MS4A7: variants seen among roughly 807,000 people sequenced by gnomAD.
The protein encoded by MS4A7 is membrane-spanning 4-domains subfamily A member 7.
A neutral mutation model predicts 23.5 loss-of-function variants in MS4A7; 21 were observed. That is an observed-to-expected ratio of 0.89 (90% CI 0.63 to 1.29). MS4A7 has a LOEUF of 1.29. Among genes scored for constraint, MS4A7 ranks in the 50% most tolerant of loss-of-function variants. MS4A7 has a pLI of 0.00. For missense variants in MS4A7, 263 were observed against 274.2 expected (o/e 0.96, Z 0.29); for synonymous variants, 111 against 107.4 (o/e 1.03, Z -0.21).
At chr11:60,389,279 A>C in intron 4 of MS4A7, 111 bp from the exon 5 acceptor site, 2 of 795,402 alleles carry the variant, frequency 2.5e-6, no homozygotes, top group Non-Finnish European at 4.0e-6. Context: ...ACACAAGGAA[A>C]CAGGAAGGAA....
Position 60,393,772 on chromosome 11 carries a change from T to G in MS4A7, c.649-15T>G. 6.3e-7 allele frequency: 1 copy of G among 1,586,090 alleles called. No homozygotes were observed. Among genetic ancestry groups the G allele is most frequent in the South Asian group, 1.1e-5 (1 of 87,522 alleles). ...ATCAAAGTTTAAAAATTCTAACCAATTATGTATTTTCTAGAGTTCATTTTC... is the reference window on the plus strand; with the variant it reads ...ATCAAAGTTTAAAAATTCTAACCAAGTATGTATTTTCTAGAGTTCATTTTC... On this transcript the variant is annotated splice_polypyrimidine_tract_variant and intron_variant, in intron 6 of 6. Coordinates refer to ENST00000300184, the MANE Select transcript of MS4A7 (RefSeq NM_021201.5).
chr11:60,395,004 A>G lies in MS4A7; in HGVS notation c.*1143A>G. On this transcript the variant is annotated 3_prime_UTR_variant, in exon 7 of 7. Transcript: ENST00000300184. ...AAGTTACAGATAATCTCTGACTGGC[A>G]TGTTTTCTGCTTCTAGCTTGGAGCT... is the stretch of plus-strand genomic sequence containing the variant. The G allele has an allele frequency of 1.6e-6, 1 of 630,884 alleles. No individual in the cohort carries two copies. Among genetic ancestry groups the G allele is most frequent in the Non-Finnish European group, 2.9e-6 (1 of 346,188 alleles). The allele number at this position is 630,884 out of a possible 1,614,324, so 39.1% of individuals were successfully genotyped here.
At chr11:60,378,803 G>T (rs1050262502) in intron 1 of MS4A7, 139 bp downstream of exon 1, 1 of 152,166 alleles carries the variant, frequency 6.6e-6, no homozygotes, top group Non-Finnish European at 1.5e-5. Flanking sequence ...CCCCTTTTTG[G>T]GTCTCAGTTT....
In MS4A7 at chr11:60,394,165, G is replaced by A. The variant is rs1186164302; in HGVS notation, c.*304G>A. 1.3e-5 allele frequency: 3 copies of A among 227,866 alleles called. No individual in the cohort carries two copies. The highest frequency in any genetic ancestry group is 2.5e-5 in the Non-Finnish European group (3 of 118,760). The allele number at this position is 227,866 out of a possible 1,614,324, so 14.1% of individuals were successfully genotyped here. ...GGAAAATGTGCACTCATGCTAGTGTGAATTTGGTAAGTTGCGTGACTCTGC... is the reference window on the plus strand; with the variant it reads ...GGAAAATGTGCACTCATGCTAGTGTAAATTTGGTAAGTTGCGTGACTCTGC... On this transcript the variant is annotated 3_prime_UTR_variant, in exon 7 of 7. Transcript: ENST00000300184.
intron 1 of MS4A7, among the ~76,000 whole-genome samples, chr11:60,379,810 C>T (rs1228001474): frequency 1.3e-5 from 2 of 152,212 alleles, no homozygotes; most frequent in East Asian, 3.8e-4. Context: ...GCTAGGATTA[C>T]AGGCATGAGC....
chr11:60,379,538 GT>G (rs968554730), intron 1 of MS4A7, among the ~76,000 whole-genome samples: 5 of 136,220 alleles, frequency 3.7e-5, no homozygotes, highest in African/African-American at 1.2e-4. Flanking sequence ...TTGTTTGTTT[GT>G]TTGTTTGTTT....
intron 6 of MS4A7, among the ~76,000 whole-genome samples, chr11:60,393,033 A>G (rs2085571359): frequency 6.6e-6 from 1 of 152,146 alleles, no homozygotes; most frequent in African/African-American, 2.4e-5. Flanking sequence ...AGGCAGGAGA[A>G]TTGCTTGAAC....
chr11:60,395,827 A>G lies in MS4A7; in HGVS notation c.*1966A>G, dbSNP rs2085611281. On this transcript the variant is annotated 3_prime_UTR_variant, in exon 7 of 7. Coordinates refer to ENST00000300184, the MANE Select transcript of MS4A7 (RefSeq NM_021201.5). The stretch of plus-strand genomic sequence containing the variant: ...ACTACGTGAGGTGATGGATATGTTA[A>G]TTAGCTGGATTGTGGTAATCATTTT... 1 of 152,178 alleles carries G rather than the reference A, an allele frequency of 6.6e-6. No individual in the cohort carries two copies. 9.4% of individuals were successfully genotyped at this position (152,178 alleles called of 1,614,324 possible).
intron 6 of MS4A7, among the ~76,000 whole-genome samples, chr11:60,393,538 A>G (rs1418391897): frequency 1.3e-5 from 2 of 152,314 alleles, no homozygotes; most frequent in East Asian, 3.9e-4. Flanking sequence ...CCTAAAGGCT[A>G]CAACAACAAA....
At chr11:60,378,916 C>G (rs2085399594) in intron 1 of MS4A7, among the ~76,000 whole-genome samples, 1 of 152,206 alleles carries the variant, frequency 6.6e-6, no homozygotes, top group Admixed American at 6.5e-5. Flanking sequence ...GTCACTCAGT[C>G]TTACAGAGTC....
Position 60,389,457 on chromosome 11 carries a change from C to T in MS4A7, c.407C>T (p.Ala136Val). 1.2e-6 allele frequency: 2 copies of T among 1,614,084 alleles called. No individual in the cohort carries two copies. The highest frequency in any genetic ancestry group is 1.3e-5 in the African/African-American group (1 of 75,052). ...GCAGGAGCAGGCCTCTTCCTCCTTGCTGACAGCATGGTAGCCCTGAGGACT... is the reference window on the plus strand; with the variant it reads ...GCAGGAGCAGGCCTCTTCCTCCTTGTTGACAGCATGGTAGCCCTGAGGACT... ...VTAGAGLFLL[A>V]DSMVALRTAS... is the part of the protein sequence containing the mutation. Residue 136 changes from alanine (A) to valine (V), a missense_variant, in exon 5 of 7, where the codon GCT becomes GTT. By Grantham distance (64) the Ala-to-Val change is moderately conservative. Transcript: ENST00000300184.
chr11:60,386,919 A>G (rs2085497242), intron 4 of MS4A7, 146 bp downstream of exon 4: 3 of 677,738 alleles, frequency 4.4e-6, no homozygotes, highest in Non-Finnish European at 7.2e-6. Flanking sequence ...TGGCTGTCCC[A>G]TTGGTAGAAC....
At chr11:60,380,136 A>G (rs2085413814) in intron 1 of MS4A7, among the ~76,000 whole-genome samples, 1 of 152,266 alleles carries the variant, frequency 6.6e-6, no homozygotes, top group Non-Finnish European at 1.5e-5. Flanking sequence ...GCCATGTATC[A>G]GAATCTATCA....
Position 60,389,520 on chromosome 11 carries a change from C to T in MS4A7, c.470C>T (p.Ser157Phe), listed in dbSNP as rs2233251. The stretch of plus-strand genomic sequence containing the variant: ...TGTGGCTCAGAAATGGATTATCTAT[C>T]CTCATTGCCTTATTCGGAGTACTAT... ...QHCGSEMDYL[S>F]SLPYSEYYYP... Residue 157 changes from serine (S) to phenylalanine (F), a missense_variant, in exon 5 of 7, where the codon TCC becomes TTC. By Grantham distance (155) the Ser-to-Phe change is radical. Coordinates refer to ENST00000300184, the MANE Select transcript of MS4A7 (RefSeq NM_021201.5). 1,796 of 1,614,076 alleles carry T rather than the reference C, an allele frequency of 1.1e-3. 22 individuals are homozygous for T. The African/African-American group carries it at 0.021, about 19-fold the overall frequency.
chr11:60,385,050 T>G (rs1413048209), intron 2 of MS4A7, 38 bp from the exon 3 acceptor site: 4 of 1,592,374 alleles, frequency 2.5e-6, no homozygotes, highest in African/African-American at 1.3e-5. Context: ...TTTATCTGTT[T>G]GAAGTGCAGT....
At chr11:60,389,972 T>C (rs376600986) in intron 5 of MS4A7, 6 of 248,870 alleles carry the variant, frequency 2.4e-5, no homozygotes, top group African/African-American at 6.7e-5. Context: ...TATATTTTAA[T>C]TTGGGATTCT....
intron 4 of MS4A7, among the ~76,000 whole-genome samples, chr11:60,387,694 TTCC>T (rs1218458452): frequency 3.3e-5 from 5 of 152,210 alleles, no homozygotes; most frequent in African/African-American, 1.2e-4. Context: ...TACCCCTGGC[TTCC>T]TCAACAACTT....
intron 1 of MS4A7, among the ~76,000 whole-genome samples, chr11:60,381,854 A>T (rs1250908450): frequency 2.0e-5 from 3 of 152,106 alleles, no homozygotes; most frequent in Non-Finnish European, 2.9e-5. Flanking sequence ...ATATGGTCAG[A>T]TGTGCAACTA....
rs1030434929 is a variant in MS4A7, at chr11:60,395,314, T to A, written c.*1453T>A. The A allele has an allele frequency of 3.3e-5, 6 of 182,714 alleles. No individual in the cohort carries two copies. Among genetic ancestry groups the A allele is most frequent in the African/African-American group, 1.4e-4 (6 of 42,696 alleles). The allele number at this position is 182,714 out of a possible 1,614,324, so 11.3% of individuals were successfully genotyped here. A position where few individuals can be genotyped will look rare whatever the true frequency, so the allele number is the denominator to read the frequency against. On this transcript the variant is annotated 3_prime_UTR_variant, in exon 7 of 7. Transcript: ENST00000300184. ...CTCTATGCATATGAGGTTTCCTAAA[T>A]AAATGAGGAGTAGCATAGTTTAAAA...
Sources: allele counts gnomAD v4.1 joint callset (sites outside exome capture counted in the v4.1 genomes callset), GRCh38; gene constraint gnomAD v4.1.1; transcripts MANE v1.5; gene names NCBI Gene and HGNC (gene_info 2026-07-23, HGNC 2026-07-21).